Variants in HIVEP1 observed in about 807,000 individuals in gnomAD.
HIVEP1 encodes HIVEP zinc finger 1, also known as zinc finger protein 40.
In HIVEP1, 36 loss-of-function variants were observed where a neutral mutation model predicts 180.0. The ratio of observed to expected loss-of-function variants is 0.20; its 90% CI spans 0.15 to 0.26. The LOEUF (loss-of-function observed/expected upper bound fraction) is 0.26, where lower values mean the gene tolerates loss of function less well. Among genes scored for constraint, HIVEP1 ranks in the 10% least tolerant of loss-of-function variants. HIVEP1 has a pLI of 1.00. For missense variants in HIVEP1, 3,143 were observed against 3,268.7 expected (o/e 0.96, Z 0.94); for synonymous variants, 1,239 against 1,239.0 (o/e 1.00, Z 0.00).
At chr6:12,061,825 A>G (rs1240370096) in intron 2 of HIVEP1, among the ~76,000 whole-genome samples, 1 of 152,206 alleles carries the variant, frequency 6.6e-6, no homozygotes, top group Non-Finnish European at 1.5e-5. Context: ...CTTAAACACC[A>G]AGCTACAGTT....
chr6:12,075,291 G>A (rs574146306), intron 2 of HIVEP1, among the ~76,000 whole-genome samples: 14 of 152,276 alleles, frequency 9.2e-5, no homozygotes, highest in Admixed American at 1.3e-4. Flanking sequence ...CAATCCCCTC[G>A]AAAGGAATGA....
At chr6:12,081,360 T>G (rs1389235377) in intron 2 of HIVEP1, among the ~76,000 whole-genome samples, 2 of 152,160 alleles carry the variant, frequency 1.3e-5, no homozygotes, top group Non-Finnish European at 2.9e-5. Flanking sequence ...TTTTTACTAG[T>G]CTCTGTAGCC....
chr6:12,038,028 C>T (rs2113666452), intron 2 of HIVEP1: 1 of 348,958 alleles, frequency 2.9e-6, no homozygotes, highest in Admixed American at 4.7e-5. Flanking sequence ...GGTTTTTCTT[C>T]TTCTTATTTT....
chr6:12,187,603 T>C, the HIVEP1 span, among the ~76,000 whole-genome samples: 1 of 151,946 alleles, frequency 6.6e-6, no homozygotes, highest in Non-Finnish European at 1.5e-5. Flanking sequence ...CTTTTTTTTT[T>C]TTTTTTTTAA....
the HIVEP1 span, among the ~76,000 whole-genome samples, chr6:12,181,019 T>G: frequency 6.6e-6 from 1 of 152,326 alleles, no homozygotes; most frequent in South Asian, 2.1e-4. Flanking sequence ...ATGCAGGCAG[T>G]CTTATAATTC....
In HIVEP1 at chr6:12,121,776, A is replaced by G. The variant is rs1297020598; in HGVS notation, c.1981A>G (p.Lys661Glu). The G allele has an allele frequency of 6.2e-7, 1 of 1,614,148 alleles. No individual in the cohort carries two copies. Among genetic ancestry groups the G allele is most frequent in the East Asian group, 2.2e-5 (1 of 44,882 alleles). Reference protein sequence around the residue: ...ATDYSQEQQGKLLSPRSLGST... With the variant: ...ATDYSQEQQGELLSPRSLGST... ...CGATTACTCCCAAGAGCAGCAAGGA[A>G]AGCTCCTGAGTCCTCGAAGTTTAGG... Residue 661 changes from lysine to glutamate, a missense_variant, in exon 4 of 9, where the codon AAG becomes GAG. This residue lies in a region of HIVEP1 where 365 missense variants were observed against 344.4 expected (regional missense o/e 1.06). Coordinates refer to ENST00000379388, the MANE Select transcript of HIVEP1 (RefSeq NM_002114.4). The surrounding 1 kb of genome is among the most constrained non-coding windows in gnomAD (Gnocchi z 5.3).
chr6:12,153,744 T>C (rs191029528), intron 7 of HIVEP1, among the ~76,000 whole-genome samples: 87 of 152,068 alleles, frequency 5.7e-4, no homozygotes, highest in African/African-American at 1.9e-3. Context: ...TATTAAACAA[T>C]CAGAAGACAG....
chr6:12,164,027 C>T lies in HIVEP1; in HGVS notation c.7723C>T (p.Gln2575Ter). The T allele has an allele frequency of 6.2e-7, 1 of 1,614,052 alleles. No homozygotes were observed. The highest frequency in any genetic ancestry group is 1.1e-5 in the South Asian group (1 of 91,080). Residue 2575 changes from glutamine (Q) to a stop codon, truncating the protein, a stop_gained, in exon 9 of 9, where the codon CAA (glutamine) becomes TAA (stop). Transcript: ENST00000379388. LOFTEE classifies it low-confidence loss of function (END_TRUNC). ...GGGAGCTCCAGAAATGCCAGCTTCC[C>T]AAAGCAAAGCATGCGAGACACAACC... is the stretch of plus-strand genomic sequence containing the variant. Reference protein sequence around the residue: ...AQGAPEMPASQSKACETQPKQ... With the variant: ...AQGAPEMPAS
At chr6:12,059,095 T>G (rs1771063213) in intron 2 of HIVEP1, among the ~76,000 whole-genome samples, 1 of 152,142 alleles carries the variant, frequency 6.6e-6, no homozygotes, top group Non-Finnish European at 1.5e-5. Flanking sequence ...GAACATTATA[T>G]TGTTCACCAG....
intron 2 of HIVEP1, among the ~76,000 whole-genome samples, chr6:12,019,120 C>T (rs1768022972): frequency 6.6e-6 from 1 of 152,156 alleles, no homozygotes; most frequent in South Asian, 2.1e-4. Flanking sequence ...ACACTAAAGC[C>T]ACCTCAGTGG....
chr6:12,081,068 A>G (rs1772757504), intron 2 of HIVEP1, among the ~76,000 whole-genome samples: 1 of 152,008 alleles, frequency 6.6e-6, no homozygotes, highest in South Asian at 2.1e-4. Flanking sequence ...TCTAGCCTCT[A>G]TCCATCCTGT....
chr6:12,189,553 A>G, the HIVEP1 span, among the ~76,000 whole-genome samples: 3 of 152,182 alleles, frequency 2.0e-5, no homozygotes, highest in Non-Finnish European at 2.9e-5. Flanking sequence ...CATAAGTGAA[A>G]TGTCAACTGG....
Position 12,121,863 on chromosome 6 carries a change from A to G in HIVEP1, c.2068A>G (p.Thr690Ala). ...ESADQTVSPP[T>A]PFARRLPSTE... ...TGCCGATCAAACAGTGAGTCCACCA[A>G]CTCCCTTTGCCAGAAGGTTACCCAG... The change falls in exon 4 of 9, where the codon ACT (threonine) becomes GCT (alanine). Residue 690 changes from threonine to alanine, a missense_variant. Physicochemically the swap from Thr to Ala is moderately conservative, Grantham distance 58 (BLOSUM62 0). Around this residue, in one of 12 missense-constraint regions of HIVEP1, gnomAD observed 365 missense variants for 344.4 expected, o/e 1.06. Transcript: ENST00000379388. The surrounding 1 kb of genome is among the most constrained non-coding windows in gnomAD (Gnocchi z 5.3). 6.2e-7 allele frequency: 1 copy of G among 1,614,112 alleles called. No homozygotes were observed. Among genetic ancestry groups the G allele is most frequent in the East Asian group, 2.2e-5 (1 of 44,882 alleles).
the HIVEP1 span, among the ~76,000 whole-genome samples, chr6:12,199,209 C>G: frequency 2.6e-5 from 4 of 152,168 alleles, no homozygotes; most frequent in South Asian, 2.1e-4. Context: ...TATTTAACAT[C>G]TATTCCAACA....
At chr6:12,080,186 G>A (rs1447585531) in intron 2 of HIVEP1, among the ~76,000 whole-genome samples, 1 of 152,146 alleles carries the variant, frequency 6.6e-6, no homozygotes, top group African/African-American at 2.4e-5. Context: ...TAAAGAAGGT[G>A]CTTTTGGACT....
the HIVEP1 span, among the ~76,000 whole-genome samples, chr6:12,190,274 TA>T: frequency 2.6e-5 from 4 of 152,138 alleles, no homozygotes; most frequent in Admixed American, 6.6e-5. Context: ...AAATAGAAAA[TA>T]AAAATGTTCA....
intron 3 of HIVEP1, among the ~76,000 whole-genome samples, chr6:12,107,158 C>A (rs1774483157): frequency 6.6e-6 from 1 of 152,170 alleles, no homozygotes; most frequent in Admixed American, 6.5e-5. Context: ...TAGTTCTAGA[C>A]CACTGCAGTA....
At position 12,022,435 on chromosome 6, in the gene HIVEP1, G is replaced by A. The variant is rs781474491; in HGVS notation, c.40+6767G>A. Among the ~76,000 whole-genome samples the A allele has an allele frequency of 2.6e-5, 4 of 152,280 alleles. 1 individual carries two copies. The highest frequency in any genetic ancestry group is 4.1e-4 in the South Asian group (2 of 4,830). ...TCCACCCGCCTCGGCCTCCCAAAGT[G>A]CTGGGATTACAGGCATGAGCCACCG... is the stretch of plus-strand genomic sequence containing the variant. On this transcript the variant is annotated intron_variant, in intron 2 of 8. Transcript: ENST00000379388.
chr6:12,148,815 C>T (rs1265060218), intron 7 of HIVEP1, among the ~76,000 whole-genome samples: 5 of 152,112 alleles, frequency 3.3e-5, no homozygotes, highest in Non-Finnish European at 5.9e-5. Context: ...CTGCAGTTAT[C>T]GAAGGATGTC....
Sources: allele counts gnomAD v4.1 joint callset (sites outside exome capture counted in the v4.1 genomes callset), GRCh38; gene constraint gnomAD v4.1.1; regional missense constraint gnomAD v4.1.1; non-coding constraint Gnocchi (gnomAD v3.1); transcripts MANE v1.5; gene names NCBI Gene and HGNC (gene_info 2026-07-23, HGNC 2026-07-21).